Variants in DNAH11 observed in about 807,000 individuals in gnomAD.
DNAH11 encodes axonemal beta dynein heavy chain 11.
A neutral mutation model predicts 526.0 loss-of-function variants in DNAH11; 442 were observed. The ratio of observed to expected loss-of-function variants is 0.84; its 90% CI spans 0.78 to 0.91. DNAH11 has a LOEUF of 0.91. Among genes scored for constraint, DNAH11 ranks in the 40% least tolerant of loss-of-function variants. The pLI is 0.00. For synonymous variants in DNAH11, 2,461 were observed against 1,935.9 expected (o/e 1.27, Z -7.12); for missense variants, 6,989 against 5,448.7 (o/e 1.28, Z -8.90).
chr7:21,599,758 T>A (rs777599817), intron 14 of DNAH11, 29 bp from the exon 15 acceptor site: 4 of 1,435,580 alleles, frequency 2.8e-6, no homozygotes, highest in African/African-American at 1.4e-5. Flanking sequence ...TTTGTTTATA[T>A]TCATCCACTA....
At chr7:21,762,071 C>T (rs969007400) in intron 54 of DNAH11, among the ~76,000 whole-genome samples, 1 of 152,114 alleles carries the variant, frequency 6.6e-6, no homozygotes, top group African/African-American at 2.4e-5. Flanking sequence ...CATCATATCT[C>T]ATGAGAACTC....
At chr7:21,593,894 C>G (rs540952638) in intron 14 of DNAH11, among the ~76,000 whole-genome samples, 2 of 151,964 alleles carry the variant, frequency 1.3e-5, no homozygotes, top group South Asian at 4.2e-4. Context: ...CCCTGCTCCC[C>G]CCAGACACAA....
chr7:21,699,379 A>G (rs976810912), intron 36 of DNAH11, among the ~76,000 whole-genome samples: 10 of 152,318 alleles, frequency 6.6e-5, no homozygotes, highest in Admixed American at 4.6e-4. Flanking sequence ...ATCAGCATCA[A>G]TATTTTAAAA....
At chr7:21,664,645 G>A (rs1782358260) in intron 30 of DNAH11, among the ~76,000 whole-genome samples, 1 of 151,938 alleles carries the variant, frequency 6.6e-6, no homozygotes, top group African/African-American at 2.4e-5. Context: ...TTTTCTTATG[G>A]AGAGGTGGTC....
At chr7:21,588,340 A>T in intron 10 of DNAH11, 139 bp downstream of exon 10, 1 of 1,328,650 alleles carries the variant, frequency 7.5e-7, no homozygotes, top group South Asian at 1.5e-5. Context: ...TGGTTTCCTC[A>T]TGGAGATGGT....
chr7:21,633,455 C>G (rs1158909907), intron 25 of DNAH11, among the ~76,000 whole-genome samples: 1 of 152,094 alleles, frequency 6.6e-6, no homozygotes, highest in Non-Finnish European at 1.5e-5. Context: ...ATACTTCAGA[C>G]CTGTTAATAT....
In DNAH11 at chr7:21,862,816, G is replaced by A. The variant is rs148328947; in HGVS notation, c.11373+793G>A. 3.8e-3 allele frequency among the ~76,000 whole-genome samples: 581 copies of A among 152,188 alleles called. 14 individuals are homozygous for A. The highest frequency in any genetic ancestry group is 0.034 in the Admixed American group (519 of 15,286). On this transcript the variant is annotated intron_variant, in intron 69 of 81. Coordinates refer to ENST00000409508, the MANE Select transcript of DNAH11 (RefSeq NM_001277115.2). ...TTCATGGCCGGGCACGGTGGCTCAC[G>A]CCTGTAATCCCAGCACTTTGGGAGG... is the stretch of plus-strand genomic sequence containing the variant.
At position 21,864,586 on chromosome 7, in the gene DNAH11, C is replaced by T. The variant is rs765632800; in HGVS notation, c.11425C>T (p.Arg3809Ter). ...IDPLELDFLL[R>*]FTVEHTHLSP... ...CCCTCTTGAATTGGATTTCCTGCTT[C>T]GATTCACAGTTGAACACACTCATCT... The change falls in exon 70 of 82, where the codon CGA (arginine) becomes TGA (stop). Residue 3809 changes from arginine (R) to a stop codon, truncating the protein, a stop_gained. Transcript: ENST00000409508. LOFTEE classifies it high-confidence loss of function. 1.9e-6 allele frequency: 3 copies of T among 1,611,942 alleles called. No homozygotes were observed. The highest frequency in any genetic ancestry group is 2.5e-6 in the Non-Finnish European group (3 of 1,178,884).
chr7:21,702,114 G>A (rs1784088945), intron 36 of DNAH11, among the ~76,000 whole-genome samples: 1 of 152,178 alleles, frequency 6.6e-6, no homozygotes, highest in Non-Finnish European at 1.5e-5. Flanking sequence ...TCCAATCTCA[G>A]AAGTAATATT....
At position 21,651,115 on chromosome 7, in the gene DNAH11, A is replaced by G. The variant is rs553810131; in HGVS notation, c.4945-4717A>G. Among the ~76,000 whole-genome samples the G allele has an allele frequency of 1.2e-4, 18 of 152,258 alleles. No homozygotes were observed. In the South Asian group the frequency reaches 3.5e-3, roughly 30 times the overall value. On this transcript the variant is annotated intron_variant, in intron 28 of 81. Transcript: ENST00000409508. ...TTTGGTCATGATTTATATTCTTACA[A>G]ATATTATTATGAATATTGTCATTAT...
At chr7:21,672,570 A>AATAATAAAAT (rs2128469693) in intron 30 of DNAH11, among the ~76,000 whole-genome samples, 1 of 152,342 alleles carries the variant, frequency 6.6e-6, no homozygotes, top group Admixed American at 6.5e-5. Flanking sequence ...TACAGGCATG[A>AATAATAAAAT]GCCACCAAAT....
At position 21,861,849 on chromosome 7, in the gene DNAH11, C is replaced by T. The variant is rs200188856; in HGVS notation, c.11203-4C>T. ...CATTTTAATGGTCACATTAAATTTC[C>T]CAGGCTTTTAACGTGCTGTTCCACA... On this transcript the variant is annotated splice_region_variant and splice_polypyrimidine_tract_variant and intron_variant, in intron 68 of 81. Coordinates refer to ENST00000409508, the MANE Select transcript of DNAH11 (RefSeq NM_001277115.2). 2,174 of 1,609,500 alleles carry T rather than the reference C, an allele frequency of 1.4e-3. 4 individuals are homozygous for T. Among genetic ancestry groups the T allele is most frequent in the Non-Finnish European group, 1.7e-3 (2,022 of 1,178,296 alleles).
intron 61 of DNAH11, among the ~76,000 whole-genome samples, chr7:21,793,883 C>G (rs1324380012): frequency 6.6e-6 from 1 of 152,152 alleles, no homozygotes; most frequent in African/African-American, 2.4e-5. Flanking sequence ...TTTTTAAACT[C>G]CCTCTTGAAC....
At position 21,759,434 on chromosome 7, in the gene DNAH11, G is replaced by A. The variant is rs188640128; in HGVS notation, c.8941-5994G>A. 1.4e-3 allele frequency among the ~76,000 whole-genome samples: 209 copies of A among 152,262 alleles called. 2 individuals carry two copies. The highest frequency in any genetic ancestry group is 4.8e-3 in the African/African-American group (200 of 41,562). On this transcript the variant is annotated intron_variant, in intron 54 of 81. Coordinates refer to ENST00000409508, the MANE Select transcript of DNAH11 (RefSeq NM_001277115.2). Reference sequence around the variant, plus strand: ...TTTTAAAAACAAATTGAAATTGAAAGGTAATTAGATGGGGTGGTAATACAG... The same window carrying A: ...TTTTAAAAACAAATTGAAATTGAAAAGTAATTAGATGGGGTGGTAATACAG...
chr7:21,613,934 A>ATTTT (rs575437991), intron 20 of DNAH11, among the ~76,000 whole-genome samples: 17 of 142,800 alleles, frequency 1.2e-4, no homozygotes, highest in African/African-American at 4.1e-4. Flanking sequence ...TGCCCAGCTA[A>ATTTT]TTTTTTTTTT....
At chr7:21,789,209 C>T (rs181047713) in intron 60 of DNAH11, 32 bp from the exon 61 acceptor site, 36 of 1,446,678 alleles carry the variant, frequency 2.5e-5, no homozygotes, top group Non-Finnish European at 3.2e-5. Flanking sequence ...TACTTATCCT[C>T]TTTGTATCTG....
intron 45 of DNAH11, among the ~76,000 whole-genome samples, chr7:21,734,580 A>G (rs1320452902): frequency 1.3e-5 from 2 of 152,202 alleles, no homozygotes; most frequent in Admixed American, 6.5e-5. Flanking sequence ...AGTTGAGTCA[A>G]CCATGGTGGC....
rs751059559 is a variant in DNAH11, at chr7:21,873,314, A to T, written c.12008A>T (p.Lys4003Met). The T allele has an allele frequency of 2.5e-5, 40 of 1,607,182 alleles. No individual in the cohort carries two copies. The highest frequency in any genetic ancestry group is 3.1e-5 in the Non-Finnish European group (37 of 1,176,538). The change falls in exon 74 of 82, where the codon AAG (lysine) becomes ATG (methionine). Residue 4003 changes from lysine (K) to methionine (M), a missense_variant. Physicochemically the swap from Lys to Met is moderately conservative, Grantham distance 95 (BLOSUM62 -1). Transcript: ENST00000409508. ...LVAKWLGTLE[K>M]LLERFSQGSH... ...GCCAAGTGGCTAGGAACCTTGGAGA[A>T]GCTCCTTGAAAGATTCAGCCAAGGA...
At chr7:21,675,800 AG>A in intron 30 of DNAH11, among the ~76,000 whole-genome samples, 1 of 152,288 alleles carries the variant, frequency 6.6e-6, no homozygotes, top group East Asian at 1.9e-4. Flanking sequence ...TTTAGGGTGG[AG>A]GAGACAAAGA....
Sources: gnomAD v4.1 joint callset for allele counts (sites outside exome capture counted in the v4.1 genomes callset) on GRCh38, gnomAD v4.1.1 for gene constraint, MANE v1.5 for transcripts, NCBI Gene and HGNC (gene_info 2026-07-23, HGNC 2026-07-21) for gene names.